THAP4: variants seen among roughly 807,000 people sequenced by gnomAD.
The protein encoded by THAP4 is THAP domain containing 4.
In THAP4, 18 loss-of-function variants were observed where a neutral mutation model predicts 48.1. The ratio of observed to expected loss-of-function variants is 0.37; its 90% CI spans 0.26 to 0.56. THAP4 has a LOEUF of 0.56. THAP4 is among the 20% of genes least tolerant of loss of function. The probability of loss-of-function intolerance (pLI) is 0.78; values close to 1 mark genes in which losing one functional copy is unlikely to be tolerated. For missense variants in THAP4, 656 were observed against 774.9 expected (o/e 0.85, Z 1.82); for synonymous variants, 345 against 324.9 (o/e 1.06, Z -0.66).
At chr2:241,615,523 C>A (rs984455528) in intron 2 of THAP4, among the ~76,000 whole-genome samples, 5 of 152,202 alleles carry the variant, frequency 3.3e-5, no homozygotes, top group Non-Finnish European at 7.3e-5. Flanking sequence ...GGCCTTGGCT[C>A]CTGGCCCCAG....
chr2:241,588,423 G>A (rs1296235698), intron 5 of THAP4, among the ~76,000 whole-genome samples: 4 of 152,158 alleles, frequency 2.6e-5, no homozygotes, highest in Non-Finnish European at 5.9e-5. Context: ...AAACTGACAA[G>A]CTGATTCTGA....
intron 2 of THAP4, among the ~76,000 whole-genome samples, chr2:241,618,936 G>A (rs998286130): frequency 2.0e-5 from 3 of 152,198 alleles, no homozygotes; most frequent in Non-Finnish European, 4.4e-5. Context: ...TAGCGAAGCT[G>A]ACTTCACCAG....
rs1443953396 is a variant in THAP4 at position 241,635,973 on chromosome 2, C to G, written c.77+968G>C. Among the ~76,000 whole-genome samples the G allele has an allele frequency of 3.9e-5, 6 of 152,096 alleles. No homozygotes were observed. In the South Asian group the frequency reaches 1.2e-3, roughly 31 times the overall value. On this transcript the variant is annotated intron_variant, in intron 1 of 5. Transcript: ENST00000407315. Reference sequence around the variant, plus strand: ...GAGGCCAACTGCAAAGGTACCCCCCCACCCCCAATTCCGATGTCCTTTCCT... The same window carrying G: ...GAGGCCAACTGCAAAGGTACCCCCCGACCCCCAATTCCGATGTCCTTTCCT...
In THAP4 at chr2:241,612,429, C is replaced by T. The variant is rs78172855; in HGVS notation, c.1241-5956G>A. On this transcript the variant is annotated intron_variant, in intron 2 of 5. Transcript: ENST00000407315. The surrounding 1 kb of genome is among the most constrained non-coding windows in gnomAD (Gnocchi z 4.1). ...GGACTGCCACTCCTGGAGACATGCACTCCCAGCAGAAATGACACACCTGTC... is the reference window on the plus strand; with the variant it reads ...GGACTGCCACTCCTGGAGACATGCATTCCCAGCAGAAATGACACACCTGTC... Among the ~76,000 whole-genome samples, 49,252 of 151,730 alleles carry T rather than the reference C, an allele frequency of 0.32. 8,259 individuals carry two copies. The highest frequency in any genetic ancestry group is 0.45 in the South Asian group (2,191 of 4,816).
intron 2 of THAP4, among the ~76,000 whole-genome samples, chr2:241,614,286 A>G (rs1412793892): frequency 6.6e-6 from 1 of 152,232 alleles, no homozygotes; most frequent in African/African-American, 2.4e-5. Context: ...GCAATAAGCA[A>G]TAAGGAAGCA....
intron 5 of THAP4, among the ~76,000 whole-genome samples, chr2:241,588,765 T>C (rs1013618424): frequency 1.3e-5 from 2 of 152,236 alleles, no homozygotes; most frequent in African/African-American, 4.8e-5. Flanking sequence ...TCATACCATC[T>C]AGAAATAGCA....
chr2:241,615,184 C>A (rs2067323787), intron 2 of THAP4, among the ~76,000 whole-genome samples: 1 of 152,078 alleles, frequency 6.6e-6, no homozygotes, highest in Non-Finnish European at 1.5e-5. Flanking sequence ...GGTGGGGAAT[C>A]TGAACGGTGA....
intron 2 of THAP4, among the ~76,000 whole-genome samples, chr2:241,626,076 A>G (rs1015275067): frequency 3.9e-5 from 6 of 152,304 alleles, no homozygotes; most frequent in Admixed American, 1.3e-4. Context: ...CATCTGACAC[A>G]TTCCAACATC....
intron 5 of THAP4, among the ~76,000 whole-genome samples, chr2:241,586,262 GAAAA>G (rs11320455): frequency 8.3e-5 from 7 of 83,994 alleles, no homozygotes; most frequent in Admixed American, 4.4e-4. Context: ...ATCTGAAGAG[GAAAA>G]AAAAAAAAAA....
At chr2:241,607,310 T>C (rs2125080513) in intron 2 of THAP4, among the ~76,000 whole-genome samples, 1 of 152,184 alleles carries the variant, frequency 6.6e-6, no homozygotes, top group African/African-American at 2.4e-5. Flanking sequence ...CAGCAAGGAC[T>C]GGGTGCTCCC....
chr2:241,592,258 G>A (rs2066991778), intron 5 of THAP4: 2 of 152,388 alleles, frequency 1.3e-5, no homozygotes, highest in South Asian at 2.1e-4. Context: ...CAGGGCTGCT[G>A]CAAGGCACGT....
chr2:241,637,547 G>A, upstream of THAP4: 1 of 1,468,028 alleles, frequency 6.8e-7, no homozygotes, highest in Middle Eastern at 1.8e-4. Context: ...GCGTCGGCCC[G>A]GCCGTACGCC....
At chr2:241,606,276 A>G (rs932663626) in intron 3 of THAP4, 38 bp downstream of exon 3, 26 of 1,513,758 alleles carry the variant, frequency 1.7e-5, no homozygotes, top group Admixed American at 6.2e-5. Context: ...TAGGCGGCCC[A>G]TGAGTCAAGC....
intron 2 of THAP4, among the ~76,000 whole-genome samples, chr2:241,620,529 G>C (rs2067416456): frequency 7.1e-6 from 1 of 140,812 alleles, no homozygotes. Context: ...AGGGGTGAGT[G>C]AGTCGGTGAC....
intron 2 of THAP4, among the ~76,000 whole-genome samples, chr2:241,629,429 C>T (rs1189832531): frequency 6.6e-6 from 1 of 151,080 alleles, no homozygotes; most frequent in East Asian, 1.9e-4. Flanking sequence ...TGTGATAGGA[C>T]CACCACACTC....
At chr2:241,596,830 T>C (rs553235570) in intron 5 of THAP4, among the ~76,000 whole-genome samples, 98 of 148,286 alleles carry the variant, frequency 6.6e-4, no homozygotes, top group Non-Finnish European at 1.2e-3. Flanking sequence ...CAACAAAAAG[T>C]CCACCTGTCT....
At chr2:241,614,013 G>C (rs974206700) in intron 2 of THAP4, among the ~76,000 whole-genome samples, 24 of 152,028 alleles carry the variant, frequency 1.6e-4, no homozygotes, top group African/African-American at 5.6e-4. Flanking sequence ...AATTAGCCAG[G>C]CATGGTGGTG....
At chr2:241,592,646 A>C (rs1354986551) in intron 5 of THAP4, among the ~76,000 whole-genome samples, 1 of 152,222 alleles carries the variant, frequency 6.6e-6, no homozygotes, top group African/African-American at 2.4e-5. Flanking sequence ...GATGCCACGG[A>C]GCAGCTAAAG....
At chr2:241,637,339 G>A, upstream of THAP4, 1 of 1,282,564 alleles carries the variant, frequency 7.8e-7, no homozygotes, top group South Asian at 1.4e-5. Context: ...ACCGCGACAT[G>A]GGCGCGCCGA....
Sources: gnomAD v4.1 joint callset for allele counts (sites outside exome capture counted in the v4.1 genomes callset) on GRCh38, gnomAD v4.1.1 for gene constraint, Gnocchi (gnomAD v3.1) non-coding constraint, MANE v1.5 for transcripts, NCBI Gene and HGNC (gene_info 2026-07-23, HGNC 2026-07-21) for gene names.